Variants in SEPTIN11 observed in about 807,000 individuals in gnomAD.
SEPTIN11 encodes the protein septin-11.
A neutral mutation model predicts 51.4 loss-of-function variants in SEPTIN11; 25 were observed. The ratio of observed to expected loss-of-function variants is 0.49; its 90% CI spans 0.35 to 0.68. The LOEUF (loss-of-function observed/expected upper bound fraction) is 0.68. Ranked by LOEUF, SEPTIN11 falls within the 30% of genes least tolerant of loss-of-function variation. The pLI is 0.00. For missense variants in SEPTIN11, 381 were observed against 520.8 expected, an observed-to-expected ratio of 0.73 and a Z score of 2.61; for synonymous variants, 174 against 184.1, an observed-to-expected ratio of 0.95 and a Z score of 0.44.
chr4:76,978,137 C>T (rs1406382513), intron 1 of SEPTIN11, among the ~76,000 whole-genome samples: 2 of 152,100 alleles, frequency 1.3e-5, no homozygotes, highest in African/African-American at 4.8e-5. Flanking sequence ...CTGTAGGCTG[C>T]CTAACCTTAA....
intron 5 of SEPTIN11, among the ~76,000 whole-genome samples, chr4:77,016,633 C>CACATATATATATATATATATAT (rs1375044162): frequency 0.016 from 1,171 of 72,610 alleles, 50 homozygotes; most frequent in South Asian, 0.042. Context: ...TATATATACA[C>CACATATATATATATATATATAT]ATATATATAT....
intron 9 of SEPTIN11, chr4:77,031,594 T>C (rs1365853699): frequency 6.6e-6 from 1 of 152,212 alleles, no homozygotes; most frequent in East Asian, 1.9e-4. Flanking sequence ...AAGGGTCAGA[T>C]TCTGCTCTTG....
chr4:77,019,180 G>A lies in SEPTIN11; in HGVS notation c.703G>A (p.Ala235Thr). Residue 235 changes from alanine to threonine, a missense_variant, in exon 6 of 10, where the codon GCA (alanine) becomes ACA (threonine). Ala to Thr is a moderately conservative substitution (Grantham distance 58, BLOSUM62 0). Coordinates refer to ENST00000264893, the MANE Select transcript of SEPTIN11 (RefSeq NM_018243.4). ...TGCTTGGCAGGTCCATCTCCCATTT[G>A]CAGTGGTTGGCAGCACCGAAGAGGT... ...NATMSVHLPF[A>T]VVGSTEEVKI... The A allele has an allele frequency of 1.2e-6, 2 of 1,613,284 alleles. No individual in the cohort carries two copies. The highest frequency in any genetic ancestry group is 1.7e-6 in the Non-Finnish European group (2 of 1,179,686).
intron 1 of SEPTIN11, among the ~76,000 whole-genome samples, chr4:76,950,571 C>G (rs532514996): frequency 6.6e-6 from 1 of 152,126 alleles, no homozygotes; most frequent in Non-Finnish European, 1.5e-5. Context: ...GGCTGAAAGG[C>G]CGGGGGCGGC....
chr4:77,028,885 T>A, intron 8 of SEPTIN11, 124 bp downstream of exon 8: 2 of 1,036,266 alleles, frequency 1.9e-6, no homozygotes, highest in Non-Finnish European at 2.7e-6. Flanking sequence ...ACGAGTGACC[T>A]GCCAACCTGG....
rs201596965 is a variant in SEPTIN11 at position 77,014,951 on chromosome 4, T to C, written c.621T>C (p.Asn207=). 9.7e-5 allele frequency: 157 copies of C among 1,614,154 alleles called. No homozygotes were observed. Among genetic ancestry groups the C allele is most frequent in the Non-Finnish European group, 1.2e-4 (144 of 1,180,006 alleles). The stretch of plus-strand genomic sequence containing the variant: ...AGATCATGAGTGAACTGGTCAGCAA[T>C]GGGGTCCAGATATATCAGTTTCCCA... ...KSKIMSELVS[N]GVQIYQFPTD... is the part of the protein sequence containing the mutation. Residue 207 remains asparagine (N), a synonymous_variant, in exon 5 of 10, where the codon AAT becomes AAC. Transcript: ENST00000264893.
intron 1 of SEPTIN11, among the ~76,000 whole-genome samples, chr4:76,957,100 G>T (rs141697790): frequency 3.8e-4 from 57 of 151,792 alleles, no homozygotes; most frequent in Non-Finnish European, 6.9e-4. Context: ...GAGCTTCCAG[G>T]GACATCACCA....
chr4:76,953,744 G>A (rs1721445914), intron 1 of SEPTIN11, among the ~76,000 whole-genome samples: 2 of 152,132 alleles, frequency 1.3e-5, no homozygotes, highest in South Asian at 4.1e-4. Flanking sequence ...AGTTTCTGAG[G>A]TACAATAATC....
intron 2 of SEPTIN11, among the ~76,000 whole-genome samples, chr4:77,000,050 G>A (rs1396703171): frequency 2.0e-5 from 3 of 151,928 alleles, no homozygotes; most frequent in Non-Finnish European, 4.4e-5. Flanking sequence ...CTAACTCTAC[G>A]AAAAAACCTC....
At chr4:76,951,480 A>G (rs564487057) in intron 1 of SEPTIN11, among the ~76,000 whole-genome samples, 1 of 152,140 alleles carries the variant, frequency 6.6e-6, no homozygotes, top group Non-Finnish European at 1.5e-5. Flanking sequence ...TAGTCGTTTT[A>G]TTTTTGGTGA....
chr4:77,020,414 TG>T, intron 6 of SEPTIN11, 87 bp from the exon 7 acceptor site: 1 of 1,477,048 alleles, frequency 6.8e-7, no homozygotes, highest in Non-Finnish European at 9.3e-7. Context: ...TCAGGAGTGA[TG>T]GTAATAACAT....
intron 1 of SEPTIN11, among the ~76,000 whole-genome samples, 193 bp from the exon 2 acceptor site, chr4:76,996,232 T>C (rs1723708614): frequency 6.6e-6 from 1 of 152,190 alleles, no homozygotes; most frequent in Admixed American, 6.5e-5. Context: ...TGGGAGACTG[T>C]GACTTTTGTG....
chr4:76,988,817 A>G (rs1244443433), intron 1 of SEPTIN11, among the ~76,000 whole-genome samples: 1 of 152,228 alleles, frequency 6.6e-6, no homozygotes, highest in African/African-American at 2.4e-5. Context: ...ATTCATATGT[A>G]TTGTAGTTAA....
intron 1 of SEPTIN11, among the ~76,000 whole-genome samples, chr4:76,956,995 A>AT (rs1721589653): frequency 7.7e-6 from 1 of 130,076 alleles, no homozygotes; most frequent in African/African-American, 3.1e-5. Context: ...TGTGTGTGTG[A>AT]GAGAGAGAGA....
intron 2 of SEPTIN11, among the ~76,000 whole-genome samples, chr4:76,998,031 TGA>T (rs1723852784): frequency 6.6e-6 from 1 of 151,972 alleles, no homozygotes; most frequent in African/African-American, 2.4e-5. Context: ...GTGTGCTGGC[TGA>T]GGGGCTGACT....
At chr4:77,016,615 CATATATATATATAT>C (rs370267588) in intron 5 of SEPTIN11, among the ~76,000 whole-genome samples, 27 of 79,216 alleles carry the variant, frequency 3.4e-4, no homozygotes, top group East Asian at 9.2e-4. Flanking sequence ...TATATATACA[CATATATATATATAT>C]ACACATATAT....
chr4:77,021,779 G>C (rs1178321871), intron 7 of SEPTIN11: 2 of 152,418 alleles, frequency 1.3e-5, no homozygotes, highest in Non-Finnish European at 2.9e-5. Context: ...TGTCCCCGTG[G>C]GTCTGTAGGA....
chr4:77,028,299 G>A (rs1418183760), intron 7 of SEPTIN11, among the ~76,000 whole-genome samples: 2 of 152,048 alleles, frequency 1.3e-5, no homozygotes, highest in Non-Finnish European at 2.9e-5. Flanking sequence ...CCCTATAGCA[G>A]GCCTTCTCCA....
At position 77,012,009 on chromosome 4, in the gene SEPTIN11, AT is replaced by A. The variant is rs370111654; in HGVS notation, c.525+98del. 3,795 of 1,121,392 alleles carry A rather than the reference AT, an allele frequency of 3.4e-3. 21 individuals carry two copies. The highest frequency in any genetic ancestry group is 0.026 in the African/African-American group (1,593 of 61,846). 69.5% of individuals were successfully genotyped at this position (1,121,392 alleles called of 1,614,324 possible). On this transcript the variant is annotated intron_variant, in intron 4 of 9. Transcript: ENST00000264893. Reference sequence around the variant, plus strand: ...TAATTTGTTCTCTGCTTTCAGTGTGATTTTTTTTTTCCTGGATTACAGGAAC... The same window carrying A: ...TAATTTGTTCTCTGCTTTCAGTGTGATTTTTTTTTCCTGGATTACAGGAAC...
Sources: allele counts gnomAD v4.1 joint callset (sites outside exome capture counted in the v4.1 genomes callset), GRCh38; gene constraint gnomAD v4.1.1; transcripts MANE v1.5; gene names NCBI Gene and HGNC (gene_info 2026-07-23, HGNC 2026-07-21).